The following UBR3 variants were observed in gnomAD, a reference collection of about 807,000 sequenced individuals.
UBR3 encodes ubiquitin protein ligase E3 component n-recognin 3, also known as E3 ubiquitin-protein ligase UBR3.
UBR3 carries 85 observed loss-of-function variants against 243.2 expected under a neutral mutation model. The observed-to-expected ratio is 0.35, with a 90% CI of 0.29 to 0.42. The LOEUF (loss-of-function observed/expected upper bound fraction) is 0.42. Among genes scored for constraint, UBR3 ranks in the 10% least tolerant of loss-of-function variants. The pLI is 1.00. For missense variants in UBR3, 1,686 were observed against 2,300.8 expected, an observed-to-expected ratio of 0.73 and a Z score of 5.47; for synonymous variants, 748 against 799.8, an observed-to-expected ratio of 0.94 and a Z score of 1.09.
chr2:170,074,307 A>G (rs1171479359), intron 36 of UBR3, among the ~76,000 whole-genome samples: 1 of 152,190 alleles, frequency 6.6e-6, no homozygotes, highest in Non-Finnish European at 1.5e-5. Context: ...TGAGAAAAAT[A>G]TAGGACTTGG....
At chr2:169,975,838 A>T (rs1421860410) in intron 24 of UBR3, among the ~76,000 whole-genome samples, 1 of 151,896 alleles carries the variant, frequency 6.6e-6, no homozygotes. Context: ...TCCTTTTTGG[A>T]TCTGCAATTA....
chr2:169,878,069 A>G lies in UBR3; in HGVS notation c.988+432A>G, dbSNP rs181486848. ...ATTAGGTCCAAACTTATTTGAGATA[A>G]ATGTTGGAGGCTGGGCACGGAGGCT... On this transcript the variant is annotated intron_variant, in intron 4 of 38. Transcript: ENST00000272793. Among the ~76,000 whole-genome samples, 13 of 152,262 alleles carry G rather than the reference A, an allele frequency of 8.5e-5. No individual in the cohort carries two copies. The East Asian group carries it at 2.3e-3, about 27-fold the overall frequency.
intron 18 of UBR3, among the ~76,000 whole-genome samples, chr2:169,931,372 A>AAAG (rs1559106243): frequency 6.7e-6 from 1 of 150,368 alleles, no homozygotes; most frequent in African/African-American, 2.4e-5. Context: ...AAAAAAAAAA[A>AAAG]AGGACGATAA....
chr2:169,874,927 T>G (rs1382868544), intron 2 of UBR3, among the ~76,000 whole-genome samples: 2 of 152,156 alleles, frequency 1.3e-5, no homozygotes, highest in Non-Finnish European at 2.9e-5. Flanking sequence ...TCCTTCCTTT[T>G]AGACCTCGGC....
chr2:169,948,891 T>C (rs982102570), intron 22 of UBR3, among the ~76,000 whole-genome samples: 3 of 151,902 alleles, frequency 2.0e-5, no homozygotes, highest in African/African-American at 7.2e-5. Context: ...AGATGAATTA[T>C]TGAGGAAAAT....
chr2:169,837,666 C>T (rs370045823), intron 1 of UBR3, among the ~76,000 whole-genome samples: 2 of 152,284 alleles, frequency 1.3e-5, no homozygotes, highest in African/African-American at 4.8e-5. Flanking sequence ...AAAACCATTA[C>T]ATCTCGTGAG....
At chr2:169,863,914 A>G (rs1458419356) in intron 1 of UBR3, among the ~76,000 whole-genome samples, 2 of 152,204 alleles carry the variant, frequency 1.3e-5, no homozygotes, top group East Asian at 3.8e-4. Context: ...TTGCATGCCT[A>G]GCCTACCTCC....
At chr2:170,078,074 C>T (rs6433164) in intron 36 of UBR3, 660,158 of 664,898 alleles carry the variant, frequency 0.99, 327,871 homozygotes, top group East Asian at 1. Flanking sequence ...TTTCTTTTGT[C>T]TGGTGTTTCT....
chr2:170,018,962 G>A (rs2090318238), intron 30 of UBR3, among the ~76,000 whole-genome samples: 1 of 152,152 alleles, frequency 6.6e-6, no homozygotes. Flanking sequence ...AGTAGAAATT[G>A]TTGAAACCAT....
intron 32 of UBR3, among the ~76,000 whole-genome samples, chr2:170,043,827 A>C (rs1483394268): frequency 6.6e-6 from 1 of 152,188 alleles, no homozygotes; most frequent in African/African-American, 2.4e-5. Context: ...TATTTCTTAA[A>C]ATTTTACAAT....
intron 1 of UBR3, among the ~76,000 whole-genome samples, chr2:169,871,211 G>A (rs1404364828): frequency 2.0e-5 from 3 of 152,094 alleles, no homozygotes; most frequent in African/African-American, 4.8e-5. Context: ...CAGTACTTTG[G>A]GAGGTCAAGG....
At chr2:169,888,156 T>TA (rs58802151) in intron 5 of UBR3, among the ~76,000 whole-genome samples, 2 of 144,088 alleles carry the variant, frequency 1.4e-5, no homozygotes, top group Non-Finnish European at 3.0e-5. Context: ...TTTATTTATT[T>TA]TTGAGATGGA....
chr2:169,995,009 G>T (rs1288414653), intron 26 of UBR3, among the ~76,000 whole-genome samples: 1 of 152,166 alleles, frequency 6.6e-6, no homozygotes, highest in East Asian at 1.9e-4. Flanking sequence ...CTGAGCTGCG[G>T]GATAGGCTCC....
intron 31 of UBR3, among the ~76,000 whole-genome samples, chr2:170,039,957 C>A (rs1237352590): frequency 6.6e-6 from 1 of 152,030 alleles, no homozygotes; most frequent in Non-Finnish European, 1.5e-5. Flanking sequence ...GGATCTTGAA[C>A]TCCTGATTTC....
intron 17 of UBR3, among the ~76,000 whole-genome samples, chr2:169,928,174 C>T (rs2085980156): frequency 6.6e-6 from 1 of 152,112 alleles, no homozygotes. Context: ...AACTATGTGT[C>T]AGTGCTATTA....
intron 24 of UBR3, among the ~76,000 whole-genome samples, chr2:169,960,572 T>G (rs2087525674): frequency 6.6e-6 from 1 of 152,112 alleles, no homozygotes; most frequent in Non-Finnish European, 1.5e-5. Context: ...GATAATTATA[T>G]TTTTGTTTTT....
At chr2:170,078,515 G>C (rs576827731) in intron 36 of UBR3, among the ~76,000 whole-genome samples, 9 of 152,298 alleles carry the variant, frequency 5.9e-5, no homozygotes, top group Non-Finnish European at 1.2e-4. Flanking sequence ...TTGCTGTTTA[G>C]AGCATACACA....
intron 30 of UBR3, 104 bp from the exon 31 acceptor site, chr2:170,029,240 AGG>A (rs2090608198): frequency 2.4e-6 from 2 of 842,068 alleles, no homozygotes; most frequent in African/African-American, 3.5e-5. Flanking sequence ...TTTAATTGTC[AGG>A]ATGGGAAACA....
At chr2:170,029,031 T>C (rs2090603869) in intron 30 of UBR3, among the ~76,000 whole-genome samples, 2 of 151,830 alleles carry the variant, frequency 1.3e-5, no homozygotes, top group Non-Finnish European at 2.9e-5. Flanking sequence ...GAGAACACAA[T>C]GGTGAGAAGT....
Sources: gnomAD v4.1 joint callset for allele counts (sites outside exome capture counted in the v4.1 genomes callset) on GRCh38, gnomAD v4.1.1 for gene constraint, MANE v1.5 for transcripts, NCBI Gene and HGNC (gene_info 2026-07-23, HGNC 2026-07-21) for gene names.